SPIDR: variants seen among roughly 807,000 people sequenced by gnomAD.
The protein encoded by SPIDR is scaffold protein involved in DNA repair.
In SPIDR, 93 loss-of-function variants were observed where a neutral mutation model predicts 104.6. That is an observed-to-expected ratio of 0.89 (90% CI 0.75 to 1.06). The LOEUF (loss-of-function observed/expected upper bound fraction) is 1.06. SPIDR is among the 50% of genes least tolerant of loss of function. SPIDR has a pLI of 0.00. For synonymous variants in SPIDR, 431 were observed against 416.9 expected (o/e 1.03, Z -0.41); for missense variants, 1,154 against 1,111.2 (o/e 1.04, Z -0.55).
intron 8 of SPIDR, among the ~76,000 whole-genome samples, chr8:47,560,515 T>A (rs1225902724): frequency 1.3e-5 from 2 of 152,218 alleles, no homozygotes; most frequent in Non-Finnish European, 2.9e-5. Context: ...AAGTTCAGAC[T>A]GTAGAAGCAC....
chr8:47,658,362 G>A (rs2073333770), intron 10 of SPIDR, among the ~76,000 whole-genome samples: 1 of 151,502 alleles, frequency 6.6e-6, no homozygotes, highest in South Asian at 2.1e-4. Context: ...AGGTTGCAGT[G>A]AGCCGAGATT....
At chr8:47,321,264 A>G (rs2046514080) in intron 5 of SPIDR, among the ~76,000 whole-genome samples, 1 of 152,204 alleles carries the variant, frequency 6.6e-6, no homozygotes, top group African/African-American at 2.4e-5. Context: ...TACAAAATCA[A>G]TGTGCAAAAA....
chr8:47,633,825 G>A (rs2154443584), intron 10 of SPIDR, among the ~76,000 whole-genome samples: 1 of 152,274 alleles, frequency 6.6e-6, no homozygotes, highest in East Asian at 1.9e-4. Flanking sequence ...TGAGCGTGGT[G>A]GCTCTCGCCT....
chr8:47,701,248 C>G (rs1221833071), intron 12 of SPIDR, among the ~76,000 whole-genome samples: 1 of 152,228 alleles, frequency 6.6e-6, no homozygotes, highest in East Asian at 1.9e-4. Context: ...GCCTGACCAA[C>G]ATGGAGAAAC....
At chr8:47,558,788 C>T (rs2056693571) in intron 8 of SPIDR, among the ~76,000 whole-genome samples, 1 of 152,092 alleles carries the variant, frequency 6.6e-6, no homozygotes. Flanking sequence ...TACAGGCGCC[C>T]ACCACCACGC....
At chr8:47,622,633 C>T (rs1464536512) in intron 10 of SPIDR, among the ~76,000 whole-genome samples, 1 of 152,160 alleles carries the variant, frequency 6.6e-6, no homozygotes, top group Non-Finnish European at 1.5e-5. Flanking sequence ...GAGTTAGCAT[C>T]TGTACTACAG....
In SPIDR at chr8:47,440,520, A is replaced by T; in HGVS notation, c.1075A>T (p.Thr359Ser). 6.2e-7 allele frequency: 1 copy of T among 1,614,180 alleles called. No homozygotes were observed. The highest frequency in any genetic ancestry group is 8.5e-7 in the Non-Finnish European group (1 of 1,179,998). The stretch of plus-strand genomic sequence containing the variant: ...CTACCTCAGGGGCCGTCCCCAGGAC[A>T]CTGTCCGGATCTTCCCTCCCTGGTG... ...AGYLRGRPQD[T>S]VRIFPPWQKL... The change falls in exon 8 of 20, where the codon ACT (threonine) becomes TCT (serine). Residue 359 changes from threonine (T) to serine (S), a missense_variant. Coordinates refer to ENST00000297423, the MANE Select transcript of SPIDR (RefSeq NM_001080394.4).
At position 47,360,325 on chromosome 8, in the gene SPIDR, G is replaced by A. The variant is rs372297034; in HGVS notation, c.526-36051G>A. 3.3e-4 allele frequency among the ~76,000 whole-genome samples: 50 copies of A among 150,036 alleles called. No individual in the cohort carries two copies. The South Asian group carries it at 5.9e-3, about 18-fold the overall frequency. On this transcript the variant is annotated intron_variant, in intron 5 of 19. Coordinates refer to ENST00000297423, the MANE Select transcript of SPIDR (RefSeq NM_001080394.4). ...AGAGGCAACAAGAATCAGGCTCTTC[G>A]TCTAATTGCTGTGTGGTTAGTGAAT...
chr8:47,574,760 G>C (rs1438287722), intron 8 of SPIDR, among the ~76,000 whole-genome samples: 1 of 151,208 alleles, frequency 6.6e-6, no homozygotes, highest in Non-Finnish European at 1.5e-5. Flanking sequence ...GAAGAGGAGA[G>C]GGGAGGGGAG....
At chr8:47,481,300 G>A (rs1325337830) in intron 8 of SPIDR, among the ~76,000 whole-genome samples, 1 of 152,196 alleles carries the variant, frequency 6.6e-6, no homozygotes, top group Non-Finnish European at 1.5e-5. Context: ...TATATATAAT[G>A]TTAAGTGAAA....
chr8:47,294,730 A>G (rs1227124488), intron 5 of SPIDR, among the ~76,000 whole-genome samples: 1 of 152,208 alleles, frequency 6.6e-6, no homozygotes, highest in South Asian at 2.1e-4. Flanking sequence ...TCCTGGGCTC[A>G]AGTGATCCTC....
intron 4 of SPIDR, among the ~76,000 whole-genome samples, chr8:47,293,336 A>G (rs1022296534): frequency 2.0e-5 from 3 of 152,250 alleles, no homozygotes; most frequent in Non-Finnish European, 4.4e-5. Context: ...ATGCTGGAGA[A>G]ACTCTACAAA....
In SPIDR at chr8:47,568,106, C is replaced by G. The variant is rs77777309; in HGVS notation, c.1098-27705C>G. On this transcript the variant is annotated intron_variant, in intron 8 of 19. Coordinates refer to ENST00000297423, the MANE Select transcript of SPIDR (RefSeq NM_001080394.4). ...TCTTATTTTCAAAATGTATAACATG[C>G]CTTGATGATTTTTTAAGGCATTTTC... Among the ~76,000 whole-genome samples, 759 of 152,068 alleles carry G rather than the reference C, an allele frequency of 5.0e-3. 8 individuals carry two copies. Among genetic ancestry groups the G allele is most frequent in the African/African-American group, 0.017 (721 of 41,468 alleles).
intron 5 of SPIDR, among the ~76,000 whole-genome samples, chr8:47,353,649 T>G (rs1282105424): frequency 6.6e-6 from 1 of 152,184 alleles, no homozygotes; most frequent in Non-Finnish European, 1.5e-5. Flanking sequence ...GAAAATCCCT[T>G]ATTATATTTT....
intron 17 of SPIDR, chr8:47,728,723 A>G (rs2084709705): frequency 2.1e-6 from 1 of 481,242 alleles, no homozygotes; most frequent in East Asian, 3.9e-5. Flanking sequence ...GCCTCCAGCC[A>G]GTGCTACTCG....
intron 1 of SPIDR, among the ~76,000 whole-genome samples, chr8:47,268,737 C>T (rs2034621089): frequency 6.6e-6 from 1 of 152,110 alleles, no homozygotes; most frequent in Non-Finnish European, 1.5e-5. Context: ...GGATTATAGG[C>T]ATGAGCCAGC....
chr8:47,609,999 T>C (rs574499542), intron 10 of SPIDR, among the ~76,000 whole-genome samples: 30 of 152,330 alleles, frequency 2.0e-4, no homozygotes, highest in African/African-American at 7.2e-4. Flanking sequence ...TTTTCCAGAT[T>C]ATGCTATGTG....
chr8:47,416,003 T>C (rs1032027443), intron 7 of SPIDR, among the ~76,000 whole-genome samples: 5 of 152,214 alleles, frequency 3.3e-5, no homozygotes, highest in Admixed American at 6.5e-5. Flanking sequence ...TCCAGCACTT[T>C]GGGAGACCAA....
intron 5 of SPIDR, among the ~76,000 whole-genome samples, chr8:47,393,308 C>G (rs1215582257): frequency 1.3e-5 from 2 of 152,194 alleles, no homozygotes; most frequent in African/African-American, 4.8e-5. Context: ...TCTCTATTCC[C>G]ACTACCTCTC....
Sources: allele counts gnomAD v4.1 joint callset (sites outside exome capture counted in the v4.1 genomes callset), GRCh38; gene constraint gnomAD v4.1.1; transcripts MANE v1.5; gene names NCBI Gene and HGNC (gene_info 2026-07-23, HGNC 2026-07-21).